Variants in CEP170B observed in about 807,000 individuals in gnomAD.
The protein encoded by CEP170B is centrosomal protein 170B.
Under a neutral mutation model 120.6 loss-of-function variants are expected in CEP170B, and 55 were observed. The ratio of observed to expected loss-of-function variants is 0.46; its 90% CI spans 0.37 to 0.57. The LOEUF (loss-of-function observed/expected upper bound fraction) is 0.57. Among genes scored for constraint, CEP170B ranks in the 20% least tolerant of loss-of-function variants. The pLI, the probability that CEP170B is intolerant of heterozygous loss-of-function variation, is 0.00. For synonymous variants in CEP170B, 1,033 were observed against 954.5 expected (o/e 1.08, Z -1.52); for missense variants, 2,212 against 2,253.3 (o/e 0.98, Z 0.37).
At chr14:104,882,496 A>G (rs988486827) in intron 6 of CEP170B, among the ~76,000 whole-genome samples, 2 of 151,700 alleles carry the variant, frequency 1.3e-5, no homozygotes, top group African/African-American at 4.8e-5. Context: ...GGGAGCCTCT[A>G]AGCACTTGTG....
chr14:104,884,399 C>T lies in CEP170B; in HGVS notation c.1620C>T (p.Pro540=), dbSNP rs1418746594. ...LTPHGTSPVG[P]PTPPPAPTDP... ...CCCATGGGACCAGCCCCGTGGGCCC[C>T]CCGACCCCACCGCCCGCCCCCACGG... Residue 540 remains proline, a synonymous_variant, in exon 9 of 19, where the codon CCC becomes CCT. Coordinates refer to ENST00000414716, the MANE Select transcript of CEP170B (RefSeq NM_001112726.3). 6.5e-7 allele frequency: 1 copy of T among 1,547,262 alleles called. No homozygotes were observed. The highest frequency in any genetic ancestry group is 8.7e-7 in the Non-Finnish European group (1 of 1,146,354).
At position 104,885,521 on chromosome 14, in the gene CEP170B, G is replaced by A. The variant is rs774451983; in HGVS notation, c.1923G>A (p.Ala641=). The part of the protein sequence containing the change: ...LQEFASRPLG[A]APQAEHQGLP... Reference sequence around the variant, plus strand: ...AGTTTGCCTCCCGGCCACTGGGTGCGGCCCCCCAGGCGGAGCACCAGGTAC... The same window carrying A: ...AGTTTGCCTCCCGGCCACTGGGTGCAGCCCCCCAGGCGGAGCACCAGGTAC... Residue 641 remains alanine, a synonymous_variant, in exon 10 of 19, where the codon GCG becomes GCA. Transcript: ENST00000414716. The A allele has an allele frequency of 2.5e-5, 39 of 1,564,388 alleles. No homozygotes were observed. Among genetic ancestry groups the A allele is most frequent in the South Asian group, 4.7e-5 (4 of 85,410 alleles).
Position 104,887,522 on chromosome 14 carries a change from C to A in CEP170B, c.3283C>A (p.Gln1095Lys). Residue 1095 changes from glutamine to lysine, a missense_variant, in exon 12 of 19, where the codon CAG (glutamine) becomes AAG (lysine). Transcript: ENST00000414716. Reference sequence around the variant, plus strand: ...GCCATCCCCAGCTGCCCGGGAGGAGCAGAGCCGTAGCTCAGCCAGCTCCCA... The same window carrying A: ...GCCATCCCCAGCTGCCCGGGAGGAGAAGAGCCGTAGCTCAGCCAGCTCCCA... ...PPPSPAAREE[Q>K]SRSSASSQKG... 1 of 1,611,368 alleles carries A rather than the reference C, an allele frequency of 6.2e-7. No individual in the cohort carries two copies. The highest frequency in any genetic ancestry group is 1.3e-5 in the African/African-American group (1 of 75,060).
intron 2 of CEP170B, among the ~76,000 whole-genome samples, chr14:104,872,175 G>GC (rs1305817052): frequency 1.3e-5 from 2 of 148,514 alleles, no homozygotes; most frequent in African/African-American, 5.0e-5. Context: ...GCGTGTGTGT[G>GC]CGTGTGTGTG....
chr14:104,882,416 G>T (rs372133911), intron 6 of CEP170B, among the ~76,000 whole-genome samples: 45 of 152,226 alleles, frequency 3.0e-4, no homozygotes, highest in Middle Eastern at 3.4e-3. Flanking sequence ...CATGCCCCAG[G>T]GGATGAGCCT....
chr14:104,887,381 C>T lies in CEP170B; in HGVS notation c.3142C>T (p.Arg1048Cys), dbSNP rs62641740. ...RGSLDWPSEE[R>C]GPVLAHLPSS... ...GTCCCTGGATTGGCCCAGTGAGGAG[C>T]GTGGCCCTGTCCTCGCCCACCTACC... The change falls in exon 12 of 19, where the codon CGT becomes TGT. Residue 1048 changes from arginine (R) to cysteine (C), a missense_variant. Physicochemically the swap from Arg to Cys is radical, Grantham distance 180. Around this residue, in one of 2 missense-constraint regions of CEP170B, gnomAD observed 2,166 missense variants for 2,166.7 expected, o/e 1.00. Transcript: ENST00000414716. 1,323 of 1,612,100 alleles carry T rather than the reference C, an allele frequency of 8.2e-4. 12 individuals are homozygous for T. The African/African-American group carries it at 0.015, about 18-fold the overall frequency.
At chr14:104,882,215 C>T (rs2028416) in intron 6 of CEP170B, among the ~76,000 whole-genome samples, 72,261 of 152,082 alleles carry the variant, frequency 0.48, 18,534 homozygotes, top group Middle Eastern at 0.67. Context: ...ACTAAAATGC[C>T]GCAGGGACCA....
intron 3 of CEP170B, among the ~76,000 whole-genome samples, chr14:104,876,583 C>A (rs183373895): frequency 5.2e-4 from 79 of 152,048 alleles, no homozygotes; most frequent in Admixed American, 2.3e-3. Flanking sequence ...GGCCCCTCCC[C>A]CAGCCCTGGC....
rs1438679439 is a variant in CEP170B at position 104,867,608 on chromosome 14, C to T, written c.-27-816C>T. ...GCATGCTGGCTGGGTATAGGGCTGC[C>T]CAGGGTTGGGTCTTGGGGTGACATC... On this transcript the variant is annotated intron_variant, in intron 1 of 18. Coordinates refer to ENST00000414716, the MANE Select transcript of CEP170B (RefSeq NM_001112726.3). The surrounding 1 kb of genome is among the most constrained non-coding windows in gnomAD (Gnocchi z 5.4). Among the ~76,000 whole-genome samples, 1 of 152,108 alleles carries T rather than the reference C, an allele frequency of 6.6e-6. No individual in the cohort carries two copies. The highest frequency in any genetic ancestry group is 1.5e-5 in the Non-Finnish European group (1 of 68,018).
chr14:104,877,878 C>A lies in CEP170B; in HGVS notation c.196-7C>A. On this transcript the variant is annotated splice_polypyrimidine_tract_variant and splice_region_variant and intron_variant, in intron 3 of 18. Transcript: ENST00000414716. The stretch of plus-strand genomic sequence containing the variant: ...CCCCCCCCCCCCCGCCACCTGTTTT[C>A]CTGCAGACGTTTGTGAATGACATGC... 1 of 951,206 alleles carries A rather than the reference C, an allele frequency of 1.1e-6. No homozygotes were observed. The highest frequency in any genetic ancestry group is 1.5e-6 in the Non-Finnish European group (1 of 677,018). 58.9% of individuals were successfully genotyped at this position (951,206 alleles called of 1,614,324 possible).
Position 104,893,672 on chromosome 14 carries a change from G to C in CEP170B, c.4182+6G>C. 6.3e-7 allele frequency: 1 copy of C among 1,584,032 alleles called. No homozygotes were observed. The highest frequency in any genetic ancestry group is 8.6e-7 in the Non-Finnish European group (1 of 1,166,364). On this transcript the variant is annotated splice_donor_region_variant and intron_variant, in intron 15 of 18. Transcript: ENST00000414716. The stretch of plus-strand genomic sequence containing the variant: ...GGCCTCGGAACCGAGAGGAGGCACG[G>C]TGCCCACTACCGCCACGGAGCTGGG...
Position 104,876,253 on chromosome 14 carries a change from C to T in CEP170B, c.106-3C>T, listed in dbSNP as rs781248641. 370 of 1,550,502 alleles carry T rather than the reference C, an allele frequency of 2.4e-4. No homozygotes were observed. Among genetic ancestry groups the T allele is most frequent in the Non-Finnish European group, 3.1e-4 (350 of 1,146,764 alleles). On this transcript the variant is annotated splice_polypyrimidine_tract_variant and splice_region_variant and intron_variant, in intron 2 of 18. Coordinates refer to ENST00000414716, the MANE Select transcript of CEP170B (RefSeq NM_001112726.3). Reference sequence around the variant, plus strand: ...CCTGAGGGCTGGCTGTGTGTCTCTCCAGTCCCGCAGCGTGGACAAGCAGCA... The same window carrying T: ...CCTGAGGGCTGGCTGTGTGTCTCTCTAGTCCCGCAGCGTGGACAAGCAGCA...
In CEP170B at chr14:104,878,521, G is replaced by A. The variant is rs761058425; in HGVS notation, c.333+20G>A. 23 of 1,607,748 alleles carry A rather than the reference G, an allele frequency of 1.4e-5. No individual in the cohort carries two copies. Among genetic ancestry groups the A allele is most frequent in the South Asian group, 8.8e-5 (8 of 90,880 alleles). On this transcript the variant is annotated intron_variant, in intron 5 of 18. Coordinates refer to ENST00000414716, the MANE Select transcript of CEP170B (RefSeq NM_001112726.3). ...CTCAAGGTTAGTGCTGGCCAAGCCC[G>A]GGTGGCTCAGCCACGAGGGCTCAGC...
rs1566865841 is a variant in CEP170B at position 104,885,548 on chromosome 14, GGCACAGACGGCCAC to G, written c.1944+7_1944+20del. ...CCCCCCAGGCGGAGCACCAGGTACA[GGCACAGACGGCCAC>G]CCCAAGGAGGGGCTGGGCAGGAAGA... On this transcript the variant is annotated splice_region_variant and intron_variant, in intron 10 of 18. Coordinates refer to ENST00000414716, the MANE Select transcript of CEP170B (RefSeq NM_001112726.3). 6.4e-7 allele frequency: 1 copy of G among 1,552,140 alleles called. No individual in the cohort carries two copies. The highest frequency in any genetic ancestry group is 8.7e-7 in the Non-Finnish European group (1 of 1,155,378).
chr14:104,886,613 C>T lies in CEP170B; in HGVS notation c.2374C>T (p.Pro792Ser). 2 of 1,520,246 alleles carry T rather than the reference C, an allele frequency of 1.3e-6. No individual in the cohort carries two copies. Among genetic ancestry groups the T allele is most frequent in the Non-Finnish European group, 1.8e-6 (2 of 1,136,974 alleles). 94.2% of individuals were successfully genotyped at this position (1,520,246 alleles called of 1,614,324 possible). The stretch of plus-strand genomic sequence containing the variant: ...GCGCTCACCAAGGGCCCCCGGGGAG[C>T]CAACTCCCGCCTCTTTCTTCATTGG... ...GRRSPRAPGE[P>S]TPASFFIGDQ... Residue 792 changes from proline (P) to serine (S), a missense_variant, in exon 12 of 19, where the codon CCA becomes TCA. By Grantham distance (74) the Pro-to-Ser change is moderately conservative (BLOSUM62 -1). Around this residue, in one of 2 missense-constraint regions of CEP170B, gnomAD observed 2,166 missense variants for 2,166.7 expected, o/e 1.00. Transcript: ENST00000414716.
Position 104,894,803 on chromosome 14 carries a change from G to T in CEP170B, c.4510G>T (p.Gly1504Cys), listed in dbSNP as rs1566877072. ...CTCTGCACAGCCGGGGCTGGGGAAG[G>T]GCCGCGTGGCTGCCCAGAGCCCACC... The part of the protein sequence containing the change: ...ASSAQPGLGK[G>C]RVAAQSPPSP... Residue 1504 changes from glycine to cysteine, a missense_variant, in exon 19 of 19, where the codon GGC becomes TGC. Around this residue, in one of 2 missense-constraint regions of CEP170B, gnomAD observed 2,166 missense variants for 2,166.7 expected, o/e 1.00. Transcript: ENST00000414716. 2 of 1,608,210 alleles carry T rather than the reference G, an allele frequency of 1.2e-6. No individual in the cohort carries two copies. The highest frequency in any genetic ancestry group is 1.7e-6 in the Non-Finnish European group (2 of 1,179,242).
chr14:104,886,699 G>C lies in CEP170B; in HGVS notation c.2460G>C (p.Glu820Asp). The C allele has an allele frequency of 6.4e-7, 1 of 1,564,266 alleles. No individual in the cohort carries two copies. The highest frequency in any genetic ancestry group is 8.7e-7 in the Non-Finnish European group (1 of 1,155,782). Residue 820 changes from glutamate to aspartate, a missense_variant, in exon 12 of 19, where the codon GAG becomes GAC. Transcript: ENST00000414716. Reference sequence around the variant, plus strand: ...CGCTTGCGGCTCCAGGGGATGGGGAGGGCCTAGGGCAGACAGCCCAGCCCA... The same window carrying C: ...CGCTTGCGGCTCCAGGGGATGGGGACGGCCTAGGGCAGACAGCCCAGCCCA... ...RKPLAAPGDG[E>D]GLGQTAQPSP... is the part of the protein sequence containing the mutation.
At chr14:104,882,962 A>C in intron 7 of CEP170B, 73 bp from the exon 8 acceptor site, 1 of 1,456,936 alleles carries the variant, frequency 6.9e-7, no homozygotes, top group Non-Finnish European at 9.1e-7. Context: ...GGTGGAGTGG[A>C]TGGTCCTGGC....
At position 104,868,660 on chromosome 14, in the gene CEP170B, G is replaced by A; in HGVS notation, c.105+105G>A. 8.9e-7 allele frequency: 1 copy of A among 1,126,602 alleles called. No individual in the cohort carries two copies. The highest frequency in any genetic ancestry group is 1.3e-6 in the Non-Finnish European group (1 of 797,762). The allele number at this position is 1,126,602 out of a possible 1,614,324, so 69.8% of individuals were successfully genotyped here. A position where few individuals can be genotyped will look rare whatever the true frequency, so the allele number is the denominator to read the frequency against. On this transcript the variant is annotated intron_variant, in intron 2 of 18. Coordinates refer to ENST00000414716, the MANE Select transcript of CEP170B (RefSeq NM_001112726.3). This position sits in a 1 kb window ranked among gnomAD's most constrained non-coding sequence, Gnocchi z 5.9. ...ACTTGCTGCAGGCCACCCTGGCGAG[G>A]AGGCCGCCATGCAGCCCAGGCTGGG...
Sources: gnomAD v4.1 joint callset for allele counts (sites outside exome capture counted in the v4.1 genomes callset) on GRCh38, gnomAD v4.1.1 for gene constraint, gnomAD v4.1.1 regional missense constraint, Gnocchi (gnomAD v3.1) non-coding constraint, MANE v1.5 for transcripts, NCBI Gene and HGNC (gene_info 2026-07-23, HGNC 2026-07-21) for gene names.